Variants in MPPED1 observed in about 807,000 individuals in gnomAD.
MPPED1 encodes the protein metallophosphoesterase domain-containing protein 1.
Under a neutral mutation model 36.2 loss-of-function variants are expected in MPPED1, and 16 were observed. The observed-to-expected ratio is 0.44, with a 90% CI of 0.30 to 0.67. MPPED1 has a LOEUF of 0.67. Among genes scored for constraint, MPPED1 ranks in the 30% least tolerant of loss-of-function variants. The pLI, the probability that MPPED1 is intolerant of heterozygous loss-of-function variation, is 0.10. For synonymous variants in MPPED1, 199 were observed against 191.3 expected (o/e 1.04, Z -0.33); for missense variants, 307 against 453.4 (o/e 0.68, Z 2.93).
At chr22:43,472,091 C>G (rs867129268) in intron 3 of MPPED1, among the ~76,000 whole-genome samples, 61 of 152,292 alleles carry the variant, frequency 4.0e-4, no homozygotes, top group African/African-American at 1.3e-3. Flanking sequence ...GCCAGCTGGA[C>G]GCATTCATCC....
intron 3 of MPPED1, among the ~76,000 whole-genome samples, chr22:43,448,977 G>A (rs2146851475): frequency 6.6e-6 from 1 of 151,890 alleles, no homozygotes; most frequent in East Asian, 2.0e-4. Flanking sequence ...TCCCCTGCCA[G>A]CCCCTGACTC....
chr22:43,425,257 G>T (rs772184495), intron 2 of MPPED1, 48 bp downstream of exon 2: 24 of 1,505,722 alleles, frequency 1.6e-5, no homozygotes, highest in Non-Finnish European at 2.0e-5. Context: ...CGGCCCCCTG[G>T]GGTGGGTGCA....
chr22:43,496,279 G>A lies in MPPED1; in HGVS notation c.633-1956G>A, dbSNP rs543583222. 5.8e-4 allele frequency among the ~76,000 whole-genome samples: 35 copies of A among 60,348 alleles called. 1 individual carries two copies. The highest frequency in any genetic ancestry group is 3.7e-3 in the African/African-American group (32 of 8,568). 39.6% of individuals were successfully genotyped at this position (60,348 alleles called of 152,430 possible). On this transcript the variant is annotated intron_variant, in intron 4 of 6. Transcript: ENST00000443721. ...TGGTGGAGGTAGTGGTGGTGGAGATGGTGGTGGTGGAGGTGGTGGTGGAGG... is the reference window on the plus strand; with the variant it reads ...TGGTGGAGGTAGTGGTGGTGGAGATAGTGGTGGTGGAGGTGGTGGTGGAGG...
intron 3 of MPPED1, among the ~76,000 whole-genome samples, chr22:43,452,163 G>A (rs1930593918): frequency 2.6e-5 from 4 of 151,964 alleles, no homozygotes; most frequent in South Asian, 2.1e-4. Context: ...GATTACAGGC[G>A]TGAGCCATCA....
intron 5 of MPPED1, among the ~76,000 whole-genome samples, chr22:43,499,206 G>A (rs1932534490): frequency 1.3e-5 from 2 of 149,918 alleles, no homozygotes; most frequent in Non-Finnish European, 3.0e-5. Flanking sequence ...GGTGGGAGGT[G>A]GTGATAGTCA....
intron 3 of MPPED1, among the ~76,000 whole-genome samples, chr22:43,469,012 T>C (rs1027561737): frequency 6.6e-6 from 1 of 152,116 alleles, no homozygotes; most frequent in Non-Finnish European, 1.5e-5. Context: ...TAGAGAGGCT[T>C]TTTCTTTAGC....
rs1321289636 is a variant in MPPED1, at chr22:43,447,883, A to ATATATATATTT, written c.406+12669_406+12670insATATATATTTT. ...ATTATATATATATATATATATATAT[A>ATATATATATTT]TTTTTTTTTTTTTTAGACAAAGTCT... On this transcript the variant is annotated intron_variant, in intron 3 of 6. Coordinates refer to ENST00000443721, the MANE Select transcript of MPPED1 (RefSeq NM_001044370.2). Among the ~76,000 whole-genome samples, 43 of 67,704 alleles carry ATATATATATTT rather than the reference A, an allele frequency of 6.4e-4. 1 individual carries two copies. Among genetic ancestry groups the ATATATATATTT allele is most frequent in the African/African-American group, 1.5e-3 (23 of 14,938 alleles). The allele number at this position is 67,704 out of a possible 152,430, so 44.4% of individuals were successfully genotyped here. A position where few individuals can be genotyped will look rare whatever the true frequency, so the allele number is the denominator to read the frequency against.
chr22:43,422,646 A>G (rs1601945632), intron 1 of MPPED1, among the ~76,000 whole-genome samples: 1 of 152,204 alleles, frequency 6.6e-6, no homozygotes, highest in African/African-American at 2.4e-5. Flanking sequence ...CCCTCGTACC[A>G]AGGGTGTCCA....
intron 3 of MPPED1, among the ~76,000 whole-genome samples, chr22:43,456,824 A>T (rs751477600): frequency 1.3e-5 from 2 of 152,136 alleles, no homozygotes; most frequent in Non-Finnish European, 2.9e-5. Flanking sequence ...TAAATCATGA[A>T]AGGGTGTTTT....
chr22:43,455,241 C>A (rs771976425), intron 3 of MPPED1, among the ~76,000 whole-genome samples: 1 of 151,862 alleles, frequency 6.6e-6, no homozygotes, highest in Non-Finnish European at 1.5e-5. Flanking sequence ...TCCAGAGTAG[C>A]TGGGATTACA....
At chr22:43,435,816 C>G (rs1041266781) in intron 3 of MPPED1, among the ~76,000 whole-genome samples, 1 of 152,180 alleles carries the variant, frequency 6.6e-6, no homozygotes, top group Admixed American at 6.5e-5. Context: ...CAGATCACTC[C>G]ACTGCACTCC....
rs1233993000 is a variant in MPPED1 at position 43,502,013 on chromosome 22, A to G, written c.749-631A>G. Among the ~76,000 whole-genome samples, 4 of 152,066 alleles carry G rather than the reference A, an allele frequency of 2.6e-5. No individual in the cohort carries two copies. The highest frequency in any genetic ancestry group is 5.9e-5 in the Non-Finnish European group (4 of 68,032). ...CCTAATTGTTTGCTTGGAGTAATCAATTATTCTCCGTTTGTGTAGCCATGT... is the reference window on the plus strand; with the variant it reads ...CCTAATTGTTTGCTTGGAGTAATCAGTTATTCTCCGTTTGTGTAGCCATGT... On this transcript the variant is annotated intron_variant, in intron 5 of 6. Transcript: ENST00000443721. The surrounding 1 kb of genome is among the most constrained non-coding windows in gnomAD (Gnocchi z 5.5).
chr22:43,439,534 CT>C (rs1930077153), intron 3 of MPPED1, among the ~76,000 whole-genome samples: 1 of 152,256 alleles, frequency 6.6e-6, no homozygotes, highest in Non-Finnish European at 1.5e-5. Flanking sequence ...GTCTTCACCC[CT>C]GTTTCCTCCT....
chr22:43,432,836 A>G, intron 2 of MPPED1, among the ~76,000 whole-genome samples: 1 of 146,768 alleles, frequency 6.8e-6, no homozygotes, highest in African/African-American at 2.5e-5. Flanking sequence ...GGGAGGAGAG[A>G]GAGAGAAAGG....
chr22:43,463,859 C>CTTTCTTTCTTTCTTTCTT (rs1569078096), intron 3 of MPPED1, among the ~76,000 whole-genome samples: 3 of 109,718 alleles, frequency 2.7e-5, no homozygotes. Flanking sequence ...TTCTTTCTTT[C>CTTTCTTTCTTTCTTTCTT]TTTCTTTCTT....
intron 1 of MPPED1, among the ~76,000 whole-genome samples, chr22:43,415,022 A>G (rs1384638607): frequency 6.6e-6 from 1 of 152,086 alleles, no homozygotes; most frequent in East Asian, 1.9e-4. Context: ...TGGGGGTGGC[A>G]GGGAGAAGAG....
chr22:43,417,943 G>A (rs1467997517), intron 1 of MPPED1: 1 of 425,566 alleles, frequency 2.3e-6, no homozygotes, highest in African/African-American at 2.0e-5. Context: ...GAACGCCGCA[G>A]CGGGGATGGC....
intron 4 of MPPED1, among the ~76,000 whole-genome samples, chr22:43,491,735 GGTGGTGATGGTGATGGAGGTA>G (rs1932103606): frequency 1.3e-5 from 2 of 150,814 alleles, no homozygotes; most frequent in African/African-American, 2.4e-5. Flanking sequence ...TGATGCTGGT[GGTGGTGATGGTGATGGAGGTA>G]GTGGTGATGG....
At chr22:43,495,464 C>CTGGAGATGGTGGAGGTAG (rs1932246311) in intron 4 of MPPED1, among the ~76,000 whole-genome samples, 1 of 67,508 alleles carries the variant, frequency 1.5e-5, no homozygotes, top group Non-Finnish European at 3.2e-5. Context: ...GGTGGAAGTG[C>CTGGAGATGGTGGAGGTAG]TGGTGATGGT....
Sources: gnomAD v4.1 joint callset for allele counts (sites outside exome capture counted in the v4.1 genomes callset) on GRCh38, gnomAD v4.1.1 for gene constraint, Gnocchi (gnomAD v3.1) non-coding constraint, MANE v1.5 for transcripts, NCBI Gene and HGNC (gene_info 2026-07-23, HGNC 2026-07-21) for gene names.